CDH3: variants seen among roughly 807,000 people sequenced by gnomAD.
CDH3 encodes the protein cadherin 3.
CDH3 carries 54 observed loss-of-function variants against 82.0 expected under a neutral mutation model. The ratio of observed to expected loss-of-function variants is 0.66; its 90% CI spans 0.53 to 0.83. CDH3 has a LOEUF of 0.83. Among genes scored for constraint, CDH3 ranks in the 40% least tolerant of loss-of-function variants. The pLI is 0.00. For synonymous variants in CDH3, 446 were observed against 437.9 expected (o/e 1.02, Z -0.23); for missense variants, 1,054 against 1,084.6 (o/e 0.97, Z 0.40).
intron 2 of CDH3, among the ~76,000 whole-genome samples, chr16:68,672,799 T>C (rs1960923286): frequency 6.6e-6 from 1 of 152,184 alleles, no homozygotes; most frequent in African/African-American, 2.4e-5. Context: ...CTGAGGCAGC[T>C]CTTTAGGGTC....
In CDH3 at chr16:68,687,706, A is replaced by G. The variant is rs761910448; in HGVS notation, c.1765A>G (p.Ile589Val). The change falls in exon 12 of 16, where the codon ATC (isoleucine) becomes GTC (valine). Residue 589 changes from isoleucine to valine, a missense_variant. Transcript: ENST00000264012. ...FQAQLTDDSD[I>V]YWTAEVNEEG... ...GGCCCAGCTCACAGATGACTCAGAC[A>G]TCTACTGGACGGCAGAGGTCAACGA... is the stretch of plus-strand genomic sequence containing the variant. 2.5e-6 allele frequency: 4 copies of G among 1,613,884 alleles called. No homozygotes were observed. The highest frequency in any genetic ancestry group is 3.4e-6 in the Non-Finnish European group (4 of 1,179,980).
intron 2 of CDH3, among the ~76,000 whole-genome samples, chr16:68,654,035 C>A (rs1346654458): frequency 2.0e-5 from 3 of 148,668 alleles, no homozygotes; most frequent in Middle Eastern, 6.7e-3. Flanking sequence ...TGAGAACTTT[C>A]TGGGTAGAGA....
intron 10 of CDH3, 97 bp from the exon 11 acceptor site, chr16:68,685,108 C>T (rs1259469381): frequency 4.9e-6 from 7 of 1,424,014 alleles, no homozygotes; most frequent in Non-Finnish European, 6.9e-6. Context: ...GCTTAGGAGC[C>T]CAGAGGCCAT....
intron 12 of CDH3, among the ~76,000 whole-genome samples, chr16:68,689,018 A>G (rs1485389200): frequency 6.6e-6 from 1 of 152,230 alleles, no homozygotes; most frequent in Non-Finnish European, 1.5e-5. Flanking sequence ...TACCTGTAAC[A>G]GTATTGATCA....
In CDH3 at chr16:68,682,272, C is replaced by CT. The variant is rs769739935; in HGVS notation, c.997-29dup. On this transcript the variant is annotated intron_variant, in intron 8 of 15. Transcript: ENST00000264012. ...TGGAGTAGGACAGTCATTCTCTGCT[C>CT]TGATAGTGCTGTGCTTCTCACACTG... 4.2e-5 allele frequency: 68 copies of CT among 1,608,042 alleles called. 2 individuals carry two copies. The Middle Eastern group carries it at 5.0e-4, about 12-fold the overall frequency.
At chr16:68,672,200 AAAAAT>A (rs1960902141) in intron 2 of CDH3, among the ~76,000 whole-genome samples, 3 of 142,366 alleles carry the variant, frequency 2.1e-5, no homozygotes, top group African/African-American at 8.2e-5. Flanking sequence ...CAAAAAAAAA[AAAAAT>A]AAATAAATAA....
chr16:68,680,553 C>T (rs8056331), intron 7 of CDH3, among the ~76,000 whole-genome samples: 66,639 of 151,814 alleles, frequency 0.44, 14,980 homozygotes, highest in East Asian at 0.62. Flanking sequence ...GTGGCAGGCA[C>T]CTGTAATCCC....
chr16:68,694,312 CAAAAA>C (rs1162877121), intron 13 of CDH3, among the ~76,000 whole-genome samples: 2 of 74,716 alleles, frequency 2.7e-5, no homozygotes, highest in South Asian at 4.8e-4. Context: ...GACTCCCTCT[CAAAAA>C]AAAAAAAAAA....
At chr16:68,666,905 C>CT (rs1567442875) in intron 2 of CDH3, among the ~76,000 whole-genome samples, 2 of 151,654 alleles carry the variant, frequency 1.3e-5, no homozygotes, top group African/African-American at 4.8e-5. Flanking sequence ...CCTTTTTTTG[C>CT]TTTTTTTCCC....
At chr16:68,711,989 C>T (rs1376353121) in intron 1 of CDH3, among the ~76,000 whole-genome samples, 1 of 151,678 alleles carries the variant, frequency 6.6e-6, no homozygotes. Flanking sequence ...AGCTAGGAGT[C>T]CAGAGATGTT....
At chr16:68,679,420 G>A (rs1008040991) in intron 6 of CDH3, among the ~76,000 whole-genome samples, 4 of 152,192 alleles carry the variant, frequency 2.6e-5, no homozygotes, top group Admixed American at 1.3e-4. Context: ...GAGGCTGGGC[G>A]CGGTGGCCCA....
intron 2 of CDH3, among the ~76,000 whole-genome samples, chr16:68,669,674 A>G (rs1196822224): frequency 1.3e-5 from 2 of 152,056 alleles, no homozygotes; most frequent in Non-Finnish European, 2.9e-5. Flanking sequence ...TCTGAGTAGT[A>G]GGGGAGTCAA....
downstream of CDH3, among the ~76,000 whole-genome samples, chr16:68,702,206 G>T (rs761079137): frequency 6.6e-6 from 1 of 151,978 alleles, no homozygotes; most frequent in Non-Finnish European, 1.5e-5. Context: ...CACATGCTTT[G>T]CATTATACCT....
chr16:68,672,956 T>C (rs1960926429), intron 2 of CDH3, among the ~76,000 whole-genome samples: 1 of 152,240 alleles, frequency 6.6e-6, no homozygotes, highest in South Asian at 2.1e-4. Flanking sequence ...ATCTGGCTTC[T>C]ACTACTCAAC....
intron 1 of CDH3, among the ~76,000 whole-genome samples, chr16:68,720,637 A>G (rs957178932): frequency 1.4e-5 from 2 of 143,058 alleles, no homozygotes; most frequent in African/African-American, 5.2e-5. Flanking sequence ...TTTTTTTGAG[A>G]TGGAGTCTCG....
downstream of CDH3, among the ~76,000 whole-genome samples, chr16:68,731,045 A>ATACAT (rs1396395240): frequency 4.6e-4 from 8 of 17,242 alleles, no homozygotes; most frequent in African/African-American, 1.0e-3. Context: ...AAAAAAAAAA[A>ATACAT]AAATATATAT....
chr16:68,683,489 A>G (rs1307612607), intron 9 of CDH3, among the ~76,000 whole-genome samples: 1 of 151,580 alleles, frequency 6.6e-6, no homozygotes, highest in African/African-American at 2.4e-5. Flanking sequence ...GTCTCTACTA[A>G]AAATACAAAA....
Position 68,700,059 on chromosome 16 carries a change from C to T in CDH3, c.*1659C>T, listed in dbSNP as rs986913764. On this transcript the variant is annotated 3_prime_UTR_variant, in exon 16 of 16. Coordinates refer to ENST00000264012, the MANE Select transcript of CDH3 (RefSeq NM_001793.6). ...TTTTTAAATGACATCTGGTCATCAT[C>T]GAAATCAAGCAAAACAAAATTAAGA... 1.3e-5 allele frequency: 2 copies of T among 152,062 alleles called. No homozygotes were observed. 9.4% of individuals were successfully genotyped at this position (152,062 alleles called of 1,614,324 possible).
intron 1 of CDH3, among the ~76,000 whole-genome samples, chr16:68,713,473 C>T (rs956213701): frequency 6.6e-6 from 1 of 151,890 alleles, no homozygotes; most frequent in Admixed American, 6.6e-5. Flanking sequence ...AACCCTCCAC[C>T]CCTCCTCTCG....
Sources: allele counts gnomAD v4.1 joint callset (sites outside exome capture counted in the v4.1 genomes callset), GRCh38; gene constraint gnomAD v4.1.1; transcripts MANE v1.5; gene names NCBI Gene and HGNC (gene_info 2026-07-23, HGNC 2026-07-21).